Variants in GSE1 observed in about 807,000 individuals in gnomAD.
GSE1 encodes genetic suppressor element 1.
Under a neutral mutation model 112.6 loss-of-function variants are expected in GSE1, and 32 were observed. The ratio of observed to expected loss-of-function variants is 0.28; its 90% CI spans 0.21 to 0.38. The LOEUF (loss-of-function observed/expected upper bound fraction) is 0.38, where lower values mean the gene tolerates loss of function less well. GSE1 is among the 10% of genes least tolerant of loss of function. The pLI is 1.00. For synonymous variants in GSE1, 1,115 were observed against 735.6 expected (o/e 1.52, Z -8.35); for missense variants, 2,348 against 1,699.2 (o/e 1.38, Z -6.71).
chr16:85,610,280 C>G (rs1322091278), upstream of GSE1, among the ~76,000 whole-genome samples: 2 of 152,226 alleles, frequency 1.3e-5, no homozygotes, highest in East Asian at 1.9e-4. Flanking sequence ...CTGGCACCTA[C>G]CTAGCTCCTT....
intron 2 of GSE1, among the ~76,000 whole-genome samples, chr16:85,460,787 AG>A (rs1163310437): frequency 7.8e-6 from 1 of 128,608 alleles, no homozygotes; most frequent in East Asian, 2.5e-4. Context: ...TCCCATAACC[AG>A]GGACGGCAAT....
chr16:85,572,163 CTG>C (rs550596560), intron 1 of GSE1, among the ~76,000 whole-genome samples: 72 of 145,508 alleles, frequency 4.9e-4, no homozygotes, highest in African/African-American at 1.5e-3. Context: ...CACACACACA[CTG>C]AATACTACAC....
intron 2 of GSE1, among the ~76,000 whole-genome samples, chr16:85,477,591 C>T (rs1245976578): frequency 5.4e-5 from 8 of 147,128 alleles, no homozygotes; most frequent in Non-Finnish European, 1.0e-4. Context: ...GATGGAGTCT[C>T]GCTCTGTCGC....
intron 2 of GSE1, among the ~76,000 whole-genome samples, chr16:85,642,078 G>T (rs1598521267): frequency 6.6e-6 from 1 of 152,260 alleles, no homozygotes; most frequent in Non-Finnish European, 1.5e-5. Context: ...ATCGCCGTTG[G>T]TGGGTCTGCT....
intron 1 of GSE1, among the ~76,000 whole-genome samples, chr16:85,184,946 T>C (rs1483275251): frequency 1.3e-5 from 2 of 152,354 alleles, no homozygotes; most frequent in East Asian, 1.9e-4. Context: ...AGATTGGTGC[T>C]TGGTAGCAGT....
rs578194134 is a variant in GSE1 at position 85,437,847 on chromosome 16, C to T, written c.2464+80204C>T. On this transcript the variant is annotated intron_variant, in intron 2 of 2. Coordinates refer to the GSE1 transcript ENST00000637419. The stretch of plus-strand genomic sequence containing the variant: ...CGGCTCTGGGTTTAAATCTCCCTCC[C>T]ACCCTTTCGCTGTGTGGTGTCAGGC... Among the ~76,000 whole-genome samples the T allele has an allele frequency of 1.6e-4, 24 of 152,338 alleles. No individual in the cohort carries two copies. The East Asian group carries it at 4.6e-3, about 29-fold the overall frequency.
At chr16:85,610,592 A>G (rs1369981579), upstream of GSE1, among the ~76,000 whole-genome samples, 1 of 152,188 alleles carries the variant, frequency 6.6e-6, no homozygotes, top group African/African-American at 2.4e-5. Context: ...GGGCGCACTG[A>G]CAGTGAGTGT....
intron 1 of GSE1, among the ~76,000 whole-genome samples, chr16:85,209,043 T>TGCCACTTGTTGGGGTTC (rs1335502770): frequency 2.7e-5 from 4 of 150,932 alleles, no homozygotes; most frequent in Non-Finnish European, 5.9e-5. Context: ...TGTTGGGGTT[T>TGCCACTTGTTGGGGTTC]GCCACTTGTT....
intron 1 of GSE1, among the ~76,000 whole-genome samples, chr16:85,560,653 G>T (rs746175358): frequency 6.6e-6 from 1 of 152,052 alleles, no homozygotes; most frequent in Non-Finnish European, 1.5e-5. Flanking sequence ...TGCAAATGGG[G>T]CGACTGGGAA....
At chr16:85,488,542 G>C (rs527917192) in intron 2 of GSE1, among the ~76,000 whole-genome samples, 1 of 151,702 alleles carries the variant, frequency 6.6e-6, no homozygotes, top group African/African-American at 2.4e-5. Context: ...GAACTGACTG[G>C]TTACGAAATG....
At chr16:85,490,818 A>G (rs1157497165) in intron 2 of GSE1, 2 of 152,256 alleles carry the variant, frequency 1.3e-5, no homozygotes, top group Non-Finnish European at 2.9e-5. Context: ...TAAAATAAAA[A>G]GCCTTTAATC....
intron 1 of GSE1, among the ~76,000 whole-genome samples, chr16:85,338,258 T>C (rs2046547922): frequency 6.6e-6 from 1 of 152,248 alleles, no homozygotes; most frequent in African/African-American, 2.4e-5. Context: ...TTTTTCCGTA[T>C]CTTGCCTTCA....
intron 2 of GSE1, among the ~76,000 whole-genome samples, chr16:85,638,198 A>G (rs896954775): frequency 6.6e-6 from 1 of 152,170 alleles, no homozygotes; most frequent in African/African-American, 2.4e-5. Flanking sequence ...TCAAGGGTGT[A>G]GTTTAAAAAT....
intron 2 of GSE1, among the ~76,000 whole-genome samples, chr16:85,396,923 T>C (rs2047979315): frequency 6.6e-6 from 1 of 152,004 alleles, no homozygotes; most frequent in Non-Finnish European, 1.5e-5. Context: ...GAGATGGTCA[T>C]GGAGAGAGAC....
intron 9 of GSE1, 122 bp downstream of exon 9, chr16:85,661,887 GCC>G: frequency 1.0e-6 from 1 of 985,828 alleles, no homozygotes. Flanking sequence ...GTAGTCCCAG[GCC>G]CCAGGTGGCA....
At chr16:85,175,626 C>T (rs2074447337) in intron 1 of GSE1, among the ~76,000 whole-genome samples, 1 of 152,178 alleles carries the variant, frequency 6.6e-6, no homozygotes. Context: ...GCAGCCTCTG[C>T]CTGCTGCCTT....
chr16:85,372,959 G>T (rs1198676337), intron 2 of GSE1, among the ~76,000 whole-genome samples: 1 of 152,244 alleles, frequency 6.6e-6, no homozygotes, highest in Non-Finnish European at 1.5e-5. Context: ...GCCAGGCCAT[G>T]TGGCACAGAG....
chr16:85,525,754 G>A (rs1173553652), intron 2 of GSE1, among the ~76,000 whole-genome samples: 1 of 152,184 alleles, frequency 6.6e-6, no homozygotes, highest in African/African-American at 2.4e-5. Flanking sequence ...TGCTAGCTGT[G>A]TGACCCCAGA....
intron 1 of GSE1, among the ~76,000 whole-genome samples, chr16:85,622,491 T>A (rs2048804160): frequency 6.6e-6 from 1 of 152,224 alleles, no homozygotes; most frequent in African/African-American, 2.4e-5. Flanking sequence ...TAGCCTGGGT[T>A]CATGGATGCT....
Sources: gnomAD v4.1 joint callset for allele counts (sites outside exome capture counted in the v4.1 genomes callset) on GRCh38, gnomAD v4.1.1 for gene constraint, MANE v1.5 for transcripts, NCBI Gene and HGNC (gene_info 2026-07-23, HGNC 2026-07-21) for gene names.